EXOC4: variants seen among roughly 807,000 people sequenced by gnomAD.
The protein encoded by EXOC4 is SEC8-like 1.
Under a neutral mutation model 107.2 loss-of-function variants are expected in EXOC4, and 71 were observed. That is an observed-to-expected ratio of 0.66 (90% CI 0.55 to 0.81). EXOC4 has a LOEUF of 0.81. EXOC4 is among the 30% of genes least tolerant of loss of function. The pLI is 0.00. For synonymous variants in EXOC4, 456 were observed against 441.2 expected, an observed-to-expected ratio of 1.03 and a Z score of -0.42; for missense variants, 1,108 against 1,189.6, an observed-to-expected ratio of 0.93 and a Z score of 1.01.
At chr7:133,847,680 C>G (rs73155115) in intron 11 of EXOC4, among the ~76,000 whole-genome samples, 17,996 of 149,682 alleles carry the variant, frequency 0.12, 1,175 homozygotes, top group Middle Eastern at 0.14. Flanking sequence ...TCACTGTGCC[C>G]GGCCCGGTTA....
intron 7 of EXOC4, among the ~76,000 whole-genome samples, chr7:133,462,236 C>T (rs542368260): frequency 3.9e-5 from 6 of 152,220 alleles, no homozygotes; most frequent in East Asian, 1.9e-4. Flanking sequence ...AAAAAACACA[C>T]GGCATCTTTT....
intron 10 of EXOC4, among the ~76,000 whole-genome samples, chr7:133,683,170 T>A (rs1001012917): frequency 6.6e-6 from 1 of 152,184 alleles, no homozygotes; most frequent in African/African-American, 2.4e-5. Flanking sequence ...TTATATTGCA[T>A]AGCTCATTCT....
intron 4 of EXOC4, among the ~76,000 whole-genome samples, chr7:133,312,769 G>A (rs1794903425): frequency 6.6e-6 from 1 of 151,186 alleles, no homozygotes; most frequent in South Asian, 2.1e-4. Flanking sequence ...CACTGTGCTT[G>A]GCCTTGATGC....
Position 133,253,145 on chromosome 7 carries a change from G to C in EXOC4, c.44G>C (p.Ser15Thr). The change falls in exon 1 of 18, where the codon AGC becomes ACC. Residue 15 changes from serine to threonine, a missense_variant. Coordinates refer to ENST00000253861, the MANE Select transcript of EXOC4 (RefSeq NM_021807.4). Reference sequence around the variant, plus strand: ...GGTGGGAAATACAGAAGCACAGTCAGCAAAAGCAAAGACCCCTCGGGGCTG... The same window carrying C: ...GGTGGGAAATACAGAAGCACAGTCACCAAAAGCAAAGACCCCTCGGGGCTG... ...AAGGKYRSTV[S>T]KSKDPSGLLI... 6.2e-7 allele frequency: 1 copy of C among 1,614,218 alleles called. No homozygotes were observed. The highest frequency in any genetic ancestry group is 8.5e-7 in the Non-Finnish European group (1 of 1,180,026).
At position 133,589,571 on chromosome 7, in the gene EXOC4, C is replaced by T. The variant is rs547146146; in HGVS notation, c.1418-40474C>T. 4.6e-5 allele frequency among the ~76,000 whole-genome samples: 7 copies of T among 152,306 alleles called. No homozygotes were observed. The South Asian group carries it at 1.0e-3, about 23-fold the overall frequency. On this transcript the variant is annotated intron_variant, in intron 9 of 17. Coordinates refer to ENST00000253861, the MANE Select transcript of EXOC4 (RefSeq NM_021807.4). The stretch of plus-strand genomic sequence containing the variant: ...AGCTCTGCTCTTGTCTGCAGCAGAT[C>T]GGAGCACAACAGTTTTGCCATGCAG...
intron 9 of EXOC4, among the ~76,000 whole-genome samples, chr7:133,574,742 CTCT>C (rs1801092994): frequency 6.6e-6 from 1 of 152,160 alleles, no homozygotes; most frequent in South Asian, 2.1e-4. Flanking sequence ...GGCTACTCTC[CTCT>C]TCTTCTCTTC....
intron 13 of EXOC4, among the ~76,000 whole-genome samples, chr7:133,923,310 G>T (rs906836099): frequency 6.6e-6 from 1 of 151,860 alleles, no homozygotes; most frequent in Non-Finnish European, 1.5e-5. Context: ...TGTATTTTTA[G>T]TAGAGACAGG....
chr7:133,685,372 C>G lies in EXOC4; in HGVS notation c.1514+55231C>G, dbSNP rs1027876714. 2.0e-5 allele frequency among the ~76,000 whole-genome samples: 3 copies of G among 152,192 alleles called. No homozygotes were observed. The South Asian group carries it at 6.2e-4, about 32-fold the overall frequency. ...GCTCGGCACTTATCCTTCCTGATGC[C>G]TTGTGAAGAAGGTGCCTTGCTTCCC... On this transcript the variant is annotated intron_variant, in intron 10 of 17. Coordinates refer to ENST00000253861, the MANE Select transcript of EXOC4 (RefSeq NM_021807.4).
intron 10 of EXOC4, among the ~76,000 whole-genome samples, chr7:133,686,618 G>A (rs560127566): frequency 5.3e-5 from 8 of 152,228 alleles, no homozygotes; most frequent in African/African-American, 1.4e-4. Context: ...ATGAAAAAAT[G>A]CTCAACATCA....
chr7:133,633,546 C>T (rs949289828), intron 10 of EXOC4, among the ~76,000 whole-genome samples: 11 of 152,142 alleles, frequency 7.2e-5, no homozygotes, highest in African/African-American at 2.2e-4. Context: ...TGGTGAAACC[C>T]TGTCTCTACT....
At chr7:133,903,969 G>A (rs1314964239) in intron 12 of EXOC4, among the ~76,000 whole-genome samples, 4 of 152,194 alleles carry the variant, frequency 2.6e-5, no homozygotes, top group Non-Finnish European at 4.4e-5. Flanking sequence ...AGCACGGACT[G>A]AGTGATAAAT....
intron 7 of EXOC4, among the ~76,000 whole-genome samples, chr7:133,409,256 C>T (rs1584894235): frequency 6.6e-6 from 1 of 152,138 alleles, no homozygotes. Flanking sequence ...TGATAGTCTA[C>T]TAAAAATGCC....
At chr7:133,254,494 A>G (rs1280374176) in intron 1 of EXOC4, among the ~76,000 whole-genome samples, 1 of 152,234 alleles carries the variant, frequency 6.6e-6, no homozygotes, top group Non-Finnish European at 1.5e-5. Flanking sequence ...GTGGAATTAG[A>G]ATACCAGGAC....
chr7:134,029,057 T>C (rs1327348619), intron 17 of EXOC4, among the ~76,000 whole-genome samples: 5 of 152,190 alleles, frequency 3.3e-5, no homozygotes, highest in African/African-American at 4.8e-5. Flanking sequence ...TTTCTCTTAG[T>C]GTGATAAAGG....
intron 14 of EXOC4, among the ~76,000 whole-genome samples, chr7:133,973,664 C>A (rs899214184): frequency 6.6e-6 from 1 of 152,062 alleles, no homozygotes. Context: ...AATTATTTCT[C>A]CAGTAAGAAT....
intron 10 of EXOC4, among the ~76,000 whole-genome samples, chr7:133,661,395 A>C (rs1793676865): frequency 6.6e-6 from 1 of 152,132 alleles, no homozygotes; most frequent in Admixed American, 6.5e-5. Context: ...CCTGAGCTAT[A>C]GTTGTATTCT....
At chr7:133,364,080 CT>C (rs968774055) in intron 6 of EXOC4, among the ~76,000 whole-genome samples, 4 of 151,974 alleles carry the variant, frequency 2.6e-5, no homozygotes, top group African/African-American at 9.7e-5. Flanking sequence ...GGGGAGGTAA[CT>C]TTGTGTTTGC....
chr7:133,830,508 C>G (rs1797787366), intron 11 of EXOC4, among the ~76,000 whole-genome samples: 1 of 152,178 alleles, frequency 6.6e-6, no homozygotes, highest in Non-Finnish European at 1.5e-5. Flanking sequence ...TTGCCAACAG[C>G]TATGTTAAAG....
At chr7:133,612,850 A>G (rs1168189655) in intron 9 of EXOC4, among the ~76,000 whole-genome samples, 3 of 152,198 alleles carry the variant, frequency 2.0e-5, no homozygotes, top group Non-Finnish European at 4.4e-5. Context: ...AGTTTTAGAC[A>G]TGAACAACTA....
Sources: gnomAD v4.1 joint callset for allele counts (sites outside exome capture counted in the v4.1 genomes callset) on GRCh38, gnomAD v4.1.1 for gene constraint, MANE v1.5 for transcripts, NCBI Gene and HGNC (gene_info 2026-07-23, HGNC 2026-07-21) for gene names.